Variants in ABCA2 observed in about 807,000 individuals in gnomAD.
ABCA2 encodes ATP-binding cassette sub-family A member 2.
A neutral mutation model predicts 262.8 loss-of-function variants in ABCA2; 84 were observed. That is an observed-to-expected ratio of 0.32 (90% CI 0.27 to 0.38). ABCA2 has a LOEUF of 0.38. Ranked by LOEUF, ABCA2 falls within the 10% of genes least tolerant of loss-of-function variation. The pLI is 1.00. For synonymous variants in ABCA2, 1,696 were observed against 1,502.9 expected (o/e 1.13, Z -2.97); for missense variants, 2,662 against 3,405.9 (o/e 0.78, Z 5.44).
At chr9:137,028,267 C>A, upstream of ABCA2, 1 of 978,196 alleles carries the variant, frequency 1.0e-6, no homozygotes, top group Non-Finnish European at 1.2e-6. The surrounding 1 kb of genome is among the most constrained non-coding windows in gnomAD (Gnocchi z 6.9). Context: ...GTCCGGGACC[C>A]GATCCGCGCT....
rs748416302 is a variant in ABCA2 at position 137,018,832 on chromosome 9, C to T, written c.1723-17G>A. ...CACGCTCACCTAGCGGGAGGGGCAT[C>T]GCTGGAGCCCGCCGTGGGCATGTGC... On this transcript the variant is annotated splice_polypyrimidine_tract_variant and intron_variant, in intron 12 of 48. Transcript: ENST00000341511. 6.8e-6 allele frequency: 11 copies of T among 1,612,370 alleles called. No homozygotes were observed. The highest frequency in any genetic ancestry group is 1.3e-5 in the African/African-American group (1 of 74,868).
rs376229628 is a variant in ABCA2, at chr9:137,020,372, C to T, written c.1389G>A (p.Ala463=). 38 of 1,612,916 alleles carry T rather than the reference C, an allele frequency of 2.4e-5. No individual in the cohort carries two copies. In the African/African-American group the frequency reaches 2.7e-4, roughly 11 times the overall value. Residue 463 remains alanine (A), a synonymous_variant, in exon 10 of 49, where the codon GCG becomes GCA. Transcript: ENST00000341511. ...LMTSNPKILY[A]PAGSEVDRVI... ...CGCGGTCGACCTCAGAGCCCGCAGG[C>T]GCGTACAGGATTTTGGGGTTGCTGG... is the stretch of plus-strand genomic sequence containing the variant.
At position 137,020,149 on chromosome 9, in the gene ABCA2, C is replaced by G. The variant is rs551220833; in HGVS notation, c.1425+187G>C. 12 of 719,228 alleles carry G rather than the reference C, an allele frequency of 1.7e-5. No homozygotes were observed. The East Asian group carries it at 3.3e-4, about 20-fold the overall frequency. The allele number at this position is 719,228 out of a possible 1,614,324, so 44.6% of individuals were successfully genotyped here. ...TCTCCAGTGCCTTCCCACAGCAGCC[C>G]CTGGAGCTCCCGAAAGGAAAAGCGA... On this transcript the variant is annotated intron_variant, in intron 10 of 48. Coordinates refer to ENST00000341511, the MANE Select transcript of ABCA2 (RefSeq NM_001606.5).
At chr9:137,016,820 A>T in intron 19 of ABCA2, 82 bp from the exon 20 acceptor site, 1 of 1,550,028 alleles carries the variant, frequency 6.5e-7, no homozygotes, top group Non-Finnish European at 8.7e-7. Context: ...CCACCCAGGG[A>T]GCCACCCGTG....
In ABCA2 at chr9:137,008,617, G is replaced by C. The variant is rs369175136; in HGVS notation, c.7074C>G (p.Phe2358Leu). 1.6e-5 allele frequency: 24 copies of C among 1,530,778 alleles called. No individual in the cohort carries two copies. Among genetic ancestry groups the C allele is most frequent in the Non-Finnish European group, 2.1e-5 (24 of 1,132,776 alleles). The allele number at this position is 1,530,778 out of a possible 1,614,324, so 94.8% of individuals were successfully genotyped here. The change falls in exon 48 of 49, where the codon TTC becomes TTG. Residue 2358 changes from phenylalanine to leucine, a missense_variant. By Grantham distance (22) the Phe-to-Leu change is conservative (BLOSUM62 0). Coordinates refer to ENST00000341511, the MANE Select transcript of ABCA2 (RefSeq NM_001606.5). ...SVSQTTLDNVFVNFAKKQSDN... is the reference protein window; with the variant it reads ...SVSQTTLDNVLVNFAKKQSDN... ...CACTCTGCTTCTTGGCAAAGTTCAC[G>C]AACACCTGGTGGGTGGCGCAGGCGT...
chr9:137,012,061 T>G (rs2271863), intron 34 of ABCA2, 41 bp downstream of exon 34: 1 of 1,612,092 alleles, frequency 6.2e-7, no homozygotes, highest in Non-Finnish European at 8.5e-7. Flanking sequence ...GGGGCTGCAG[T>G]GCCCACCTGC....
chr9:137,015,678 G>A lies in ABCA2; in HGVS notation c.3511C>T (p.Pro1171Ser), dbSNP rs1391960826. The change falls in exon 23 of 49, where the codon CCA becomes TCA. Residue 1171 changes from proline to serine, a missense_variant. By Grantham distance (74) the Pro-to-Ser change is moderately conservative (BLOSUM62 -1). This residue lies in a region of ABCA2 where 180 missense variants were observed against 307.3 expected (regional missense o/e 0.59). Transcript: ENST00000341511. ...AIWDLILKYK[P>S]GRTILLSTHH... Reference sequence around the variant, plus strand: ...GCCCACACGGCACCCCACTCACCTGGCTTGTACTTCAGGATGAGGTCCCAG... The same window carrying A: ...GCCCACACGGCACCCCACTCACCTGACTTGTACTTCAGGATGAGGTCCCAG... The A allele has an allele frequency of 6.2e-7, 1 of 1,609,082 alleles. No homozygotes were observed. The highest frequency in any genetic ancestry group is 8.5e-7 in the Non-Finnish European group (1 of 1,178,402).
At chr9:137,014,077 C>T (rs1177244995) in intron 27 of ABCA2, 39 bp from the exon 28 acceptor site, 4 of 1,600,048 alleles carry the variant, frequency 2.5e-6, no homozygotes, top group Non-Finnish European at 2.6e-6. Flanking sequence ...TGGTTGCACG[C>T]TACCCTCTCC....
intron 48 of ABCA2, 179 bp from the exon 49 acceptor site, chr9:137,008,143 A>G (rs1013616132): frequency 5.3e-5 from 45 of 853,542 alleles, no homozygotes; most frequent in Non-Finnish European, 7.6e-5. Context: ...TCTGGGGGCC[A>G]CTGAGTCTAC....
At chr9:137,023,481 G>T in intron 3 of ABCA2, 1 of 730,376 alleles carries the variant, frequency 1.4e-6, no homozygotes, top group Non-Finnish European at 2.5e-6. Flanking sequence ...GCCTGAAGGA[G>T]TATGAAGGGA....
At position 137,010,225 on chromosome 9, in the gene ABCA2, C is replaced by A. The variant is rs769101874; in HGVS notation, c.6321G>T (p.Thr2107=). 2 of 1,605,236 alleles carry A rather than the reference C, an allele frequency of 1.2e-6. No homozygotes were observed. Among genetic ancestry groups the A allele is most frequent in the South Asian group, 1.1e-5 (1 of 90,240 alleles). ...TFKMLTGDES[T]TGGEAFVNGH... ...CATTGACGAAGGCCTCGCCCCCCGT[C>A]GTGCTCTCGTCGCCGGTCAGCATCT... Residue 2107 remains threonine (T), a synonymous_variant, in exon 41 of 49, where the codon ACG becomes ACT. Coordinates refer to ENST00000341511, the MANE Select transcript of ABCA2 (RefSeq NM_001606.5).
chr9:137,009,323 C>A lies in ABCA2; in HGVS notation c.6827+47G>T, dbSNP rs753639108. ...ACTCCTGGCCCCGCTGCCTGGCCGC[C>A]CCCCCCGGGCCCGCCCCAGCCCACC... is the stretch of plus-strand genomic sequence containing the variant. On this transcript the variant is annotated intron_variant, in intron 45 of 48. Coordinates refer to ENST00000341511, the MANE Select transcript of ABCA2 (RefSeq NM_001606.5). 5.1e-4 allele frequency: 539 copies of A among 1,057,030 alleles called. 7 individuals carry two copies. The highest frequency in any genetic ancestry group is 1.1e-4 in the Non-Finnish European group (81 of 723,192). 65.5% of individuals were successfully genotyped at this position (1,057,030 alleles called of 1,614,324 possible).
Position 137,015,458 on chromosome 9 carries a change from C to T in ABCA2, c.3653G>A (p.Arg1218His), listed in dbSNP as rs370819110. 1.6e-5 allele frequency: 25 copies of T among 1,586,344 alleles called. No individual in the cohort carries two copies. The African/African-American group carries it at 2.0e-4, about 13-fold the overall frequency. ...FLKGTYGDGY[R>H]LTLVKRPAEP... Reference sequence around the variant, plus strand: ...GGCGGGCCGCTTGACCAGCGTGAGGCGGTACCCGTCGCCATAGGTGCCCTT... The same window carrying T: ...GGCGGGCCGCTTGACCAGCGTGAGGTGGTACCCGTCGCCATAGGTGCCCTT... Residue 1218 changes from arginine to histidine, a missense_variant, in exon 24 of 49, where the codon CGC becomes CAC. Transcript: ENST00000341511.
chr9:137,025,112 G>A (rs768221540), intron 1 of ABCA2, among the ~76,000 whole-genome samples: 217 of 152,166 alleles, frequency 1.4e-3, no homozygotes, highest in Non-Finnish European at 2.6e-3. Context: ...CTCCTGACCC[G>A]GGGCAGCCAG....
chr9:137,016,252 G>C, intron 21 of ABCA2, 39 bp downstream of exon 21: 2 of 1,611,794 alleles, frequency 1.2e-6, no homozygotes, highest in East Asian at 2.2e-5. Context: ...TCCTGCTCTG[G>C]TCAGCAGATG....
At chr9:137,010,421 C>T in intron 40 of ABCA2, 50 bp from the exon 41 acceptor site, 1 of 1,536,296 alleles carries the variant, frequency 6.5e-7, no homozygotes, top group Non-Finnish European at 8.8e-7. Context: ...CCACCCTGCC[C>T]CTCTGGCCCC....
intron 1 of ABCA2, among the ~76,000 whole-genome samples, chr9:137,025,430 C>G (rs1162983975): frequency 6.6e-6 from 1 of 152,242 alleles, no homozygotes; most frequent in Admixed American, 6.5e-5. Flanking sequence ...TGTCCTCATC[C>G]CCATCCCAAA....
chr9:137,024,412 G>A (rs1242442524), intron 1 of ABCA2, among the ~76,000 whole-genome samples, 176 bp from the exon 2 acceptor site: 1 of 152,214 alleles, frequency 6.6e-6, no homozygotes, highest in Non-Finnish European at 1.5e-5. Flanking sequence ...GGGCACTGAG[G>A]GTAAGGATTG....
In ABCA2 at chr9:137,012,602, G is replaced by C; in HGVS notation, c.5082-12C>G. 1 of 1,611,338 alleles carries C rather than the reference G, an allele frequency of 6.2e-7. No individual in the cohort carries two copies. Among genetic ancestry groups the C allele is most frequent in the Non-Finnish European group, 8.5e-7 (1 of 1,179,630 alleles). On this transcript the variant is annotated splice_polypyrimidine_tract_variant and intron_variant, in intron 31 of 48. Transcript: ENST00000341511. ...TGATGGCCCCATACCTGGGCAGGCA[G>C]GTGGGAGGGGCGGTGAGGCTAGGCA...
Sources: gnomAD v4.1 joint callset for allele counts (sites outside exome capture counted in the v4.1 genomes callset) on GRCh38, gnomAD v4.1.1 for gene constraint, gnomAD v4.1.1 regional missense constraint, Gnocchi (gnomAD v3.1) non-coding constraint, MANE v1.5 for transcripts, NCBI Gene and HGNC (gene_info 2026-07-23, HGNC 2026-07-21) for gene names.